Variants in DPYSL3 observed in about 807,000 individuals in gnomAD.
DPYSL3 encodes the protein dihydropyrimidinase-related protein 3.
Under a neutral mutation model 66.1 loss-of-function variants are expected in DPYSL3, and 16 were observed. The ratio of observed to expected loss-of-function variants is 0.24; its 90% CI spans 0.16 to 0.37. The LOEUF (loss-of-function observed/expected upper bound fraction) is 0.37. Ranked by LOEUF, DPYSL3 falls within the 10% of genes least tolerant of loss-of-function variation. DPYSL3 has a pLI of 1.00. For missense variants in DPYSL3, 738 were observed against 916.2 expected, an observed-to-expected ratio of 0.81 and a Z score of 2.51; for synonymous variants, 338 against 345.1, an observed-to-expected ratio of 0.98 and a Z score of 0.23.
intron 1 of DPYSL3, among the ~76,000 whole-genome samples, chr5:147,502,118 G>C (rs983625657): frequency 2.0e-5 from 3 of 152,040 alleles, no homozygotes; most frequent in African/African-American, 7.2e-5. Flanking sequence ...TTCTGACTCA[G>C]ACGCTGCCTT....
chr5:147,474,130 A>G (rs1471339676), intron 1 of DPYSL3, among the ~76,000 whole-genome samples: 1 of 152,090 alleles, frequency 6.6e-6, no homozygotes, highest in Non-Finnish European at 1.5e-5. Context: ...GATGAATAAT[A>G]CTTTCATCAC....
At chr5:147,492,522 G>A (rs990204777) in intron 1 of DPYSL3, among the ~76,000 whole-genome samples, 1 of 152,062 alleles carries the variant, frequency 6.6e-6, no homozygotes, top group Non-Finnish European at 1.5e-5. Flanking sequence ...GATGATACAA[G>A]AGATAGGAGA....
At position 147,393,717 on chromosome 5, in the gene DPYSL3, T is replaced by A. The variant is rs1189263714; in HGVS notation, c.*318A>T. ...ACGTCCCAGCTTGTCTGTCCCCTTG[T>A]CATAAGATGCAGCACTACACACGCT... On this transcript the variant is annotated 3_prime_UTR_variant, in exon 14 of 14. Coordinates refer to ENST00000343218, the MANE Select transcript of DPYSL3 (RefSeq NM_001197294.2). The A allele has an allele frequency of 4.0e-6, 1 of 249,242 alleles. No homozygotes were observed. Among genetic ancestry groups the A allele is most frequent in the Non-Finnish European group, 7.9e-6 (1 of 126,596 alleles). The allele number at this position is 249,242 out of a possible 1,614,324, so 15.4% of individuals were successfully genotyped here.
chr5:147,402,722 C>T (rs1758229714), intron 8 of DPYSL3, among the ~76,000 whole-genome samples: 2 of 152,080 alleles, frequency 1.3e-5, no homozygotes, highest in South Asian at 4.1e-4. Context: ...ACCTAGGACA[C>T]ATCAAATATG....
intron 1 of DPYSL3, among the ~76,000 whole-genome samples, chr5:147,482,729 AG>A (rs1256192909): frequency 6.6e-6 from 1 of 152,222 alleles, no homozygotes; most frequent in African/African-American, 2.4e-5. Flanking sequence ...TTCTAAAAGA[AG>A]GAGGTTGTAT....
intron 2 of DPYSL3, among the ~76,000 whole-genome samples, chr5:147,422,804 T>C (rs1212916423): frequency 6.6e-6 from 1 of 150,640 alleles, no homozygotes; most frequent in Non-Finnish European, 1.5e-5. Context: ...ACTTGAACAA[T>C]GAGAACATAT....
intron 12 of DPYSL3, among the ~76,000 whole-genome samples, chr5:147,396,800 C>T (rs958665960): frequency 2.0e-5 from 3 of 151,266 alleles, no homozygotes; most frequent in Admixed American, 2.0e-4. Context: ...ATTCCACAAT[C>T]CTAGGGTAGG....
At chr5:147,492,044 G>T (rs1030055048) in intron 1 of DPYSL3, among the ~76,000 whole-genome samples, 9 of 151,946 alleles carry the variant, frequency 5.9e-5, no homozygotes, top group Admixed American at 1.3e-4. Context: ...TCTAAAAGAA[G>T]CCATAGGGGG....
At chr5:147,469,176 C>T (rs919942752) in intron 1 of DPYSL3, among the ~76,000 whole-genome samples, 1 of 152,198 alleles carries the variant, frequency 6.6e-6, no homozygotes, top group Non-Finnish European at 1.5e-5. Context: ...GTAATTTTCC[C>T]CTTCTCCAGT....
chr5:147,443,093 A>C (rs1752564193), intron 1 of DPYSL3, among the ~76,000 whole-genome samples: 1 of 152,242 alleles, frequency 6.6e-6, no homozygotes, highest in Non-Finnish European at 1.5e-5. Context: ...TATTATTCAT[A>C]AGATGGGGCA....
At chr5:147,479,057 A>C (rs1753201588) in intron 1 of DPYSL3, among the ~76,000 whole-genome samples, 1 of 152,166 alleles carries the variant, frequency 6.6e-6, no homozygotes, top group Non-Finnish European at 1.5e-5. Context: ...ACCTGAGTAC[A>C]TCATGAGTTA....
At position 147,394,029 on chromosome 5, in the gene DPYSL3, G is replaced by A. The variant is rs1158299773; in HGVS notation, c.*6C>T. ...GCTTCTGCCCCTCTCTTTGAGGAAG[G>A]CTTGCTTAACTCAGAGATGTGATAT... On this transcript the variant is annotated 3_prime_UTR_variant, in exon 14 of 14. Coordinates refer to ENST00000343218, the MANE Select transcript of DPYSL3 (RefSeq NM_001197294.2). 6.2e-7 allele frequency: 1 copy of A among 1,614,022 alleles called. No homozygotes were observed. Among genetic ancestry groups the A allele is most frequent in the African/African-American group, 1.3e-5 (1 of 75,024 alleles).
chr5:147,422,694 G>A (rs1445085443), intron 2 of DPYSL3, among the ~76,000 whole-genome samples: 7 of 152,116 alleles, frequency 4.6e-5, no homozygotes, highest in Admixed American at 3.9e-4. Context: ...ATGAGTTCAT[G>A]TCCTTTGCAG....
At chr5:147,401,974 T>G (rs1758195603) in intron 8 of DPYSL3, 1 of 321,342 alleles carries the variant, frequency 3.1e-6, no homozygotes, top group Non-Finnish European at 5.6e-6. Context: ...CAAAAGAAAA[T>G]AAAATATACA....
At chr5:147,452,250 G>T (rs1452023393) in intron 1 of DPYSL3, among the ~76,000 whole-genome samples, 1 of 152,202 alleles carries the variant, frequency 6.6e-6, no homozygotes, top group Non-Finnish European at 1.5e-5. Context: ...CAAACGCACA[G>T]GATGTTCCAA....
intron 9 of DPYSL3, among the ~76,000 whole-genome samples, chr5:147,401,194 T>C (rs1561772682): frequency 6.6e-6 from 1 of 152,238 alleles, no homozygotes; most frequent in African/African-American, 2.4e-5. Flanking sequence ...ATTTAGCTTC[T>C]CTGACCTTCA....
At chr5:147,434,517 A>G (rs917772239) in intron 1 of DPYSL3, among the ~76,000 whole-genome samples, 14 of 152,170 alleles carry the variant, frequency 9.2e-5, no homozygotes, top group African/African-American at 3.4e-4. Context: ...CCTAAATTCA[A>G]CCTAAGTCTT....
intron 1 of DPYSL3, among the ~76,000 whole-genome samples, chr5:147,467,253 C>T (rs1753023763): frequency 1.3e-5 from 2 of 152,128 alleles, no homozygotes; most frequent in African/African-American, 2.4e-5. Flanking sequence ...CTTGCCTCAC[C>T]TGTTAAAGTA....
At chr5:147,451,634 G>GA (rs889197381) in intron 1 of DPYSL3, among the ~76,000 whole-genome samples, 6 of 151,938 alleles carry the variant, frequency 3.9e-5, no homozygotes, top group East Asian at 3.9e-4. Context: ...GTCTAGGAGG[G>GA]AAAAAAAATA....
Sources: gnomAD v4.1 joint callset for allele counts (sites outside exome capture counted in the v4.1 genomes callset) on GRCh38, gnomAD v4.1.1 for gene constraint, MANE v1.5 for transcripts, NCBI Gene and HGNC (gene_info 2026-07-23, HGNC 2026-07-21) for gene names.